Variants in AOPEP observed in about 807,000 individuals in gnomAD.
AOPEP encodes the protein aminopeptidase O.
AOPEP carries 77 observed loss-of-function variants against 98.1 expected under a neutral mutation model. That is an observed-to-expected ratio of 0.78 (90% CI 0.65 to 0.95). AOPEP has a LOEUF of 0.95. AOPEP is among the 40% of genes least tolerant of loss of function. AOPEP has a pLI of 0.00. For missense variants in AOPEP, 1,024 were observed against 1,024.7 expected, an observed-to-expected ratio of 1.00 and a Z score of 0.01; for synonymous variants, 346 against 365.3, an observed-to-expected ratio of 0.95 and a Z score of 0.60.
At chr9:94,810,323 T>G (rs907119234) in intron 5 of AOPEP, among the ~76,000 whole-genome samples, 10 of 151,668 alleles carry the variant, frequency 6.6e-5, no homozygotes, top group Admixed American at 3.9e-4. Context: ...TTTTTTGTTT[T>G]TTTTTTTTTG....
At chr9:95,145,801 C>T in the AOPEP span, among the ~76,000 whole-genome samples, 2 of 152,110 alleles carry the variant, frequency 1.3e-5, no homozygotes, top group Non-Finnish European at 2.9e-5. Context: ...GAGGCACGCA[C>T]CCTTTATCAC....
At chr9:94,992,146 G>A (rs771300749) in intron 11 of AOPEP, among the ~76,000 whole-genome samples, 5 of 152,204 alleles carry the variant, frequency 3.3e-5, no homozygotes, top group Admixed American at 2.6e-4. Flanking sequence ...CACAAAGGTG[G>A]TGGCCAGCCA....
chr9:95,117,475 C>CA, the AOPEP span: 2 of 1,039,762 alleles, frequency 1.9e-6, no homozygotes, highest in Non-Finnish European at 2.9e-6. Flanking sequence ...GTCCTCTGCC[C>CA]AAAAAAGACC....
intron 5 of AOPEP, among the ~76,000 whole-genome samples, chr9:94,819,282 T>C (rs1314965789): frequency 6.6e-6 from 1 of 152,210 alleles, no homozygotes; most frequent in Non-Finnish European, 1.5e-5. Context: ...AAGGACTGCG[T>C]GATGGAAACT....
At chr9:94,995,728 G>A (rs1240221740) in intron 11 of AOPEP, among the ~76,000 whole-genome samples, 1 of 152,138 alleles carries the variant, frequency 6.6e-6, no homozygotes, top group African/African-American at 2.4e-5. Flanking sequence ...CTAGAAGATA[G>A]ATTTAATAAG....
intron 5 of AOPEP, among the ~76,000 whole-genome samples, chr9:94,880,252 A>G (rs1446534528): frequency 6.6e-6 from 1 of 152,176 alleles, no homozygotes; most frequent in Non-Finnish European, 1.5e-5. Flanking sequence ...AGCTGAAAGG[A>G]GTTCATCTAA....
chr9:94,798,852 T>G (rs990910530), intron 4 of AOPEP, among the ~76,000 whole-genome samples: 1 of 152,198 alleles, frequency 6.6e-6, no homozygotes, highest in Non-Finnish European at 1.5e-5. Flanking sequence ...GTACTTGTCA[T>G]TAGGTGGGCA....
chr9:94,844,835 C>T (rs943280527), intron 5 of AOPEP, among the ~76,000 whole-genome samples: 2 of 152,016 alleles, frequency 1.3e-5, no homozygotes, highest in African/African-American at 4.8e-5. Flanking sequence ...GTGGGCTGTC[C>T]GTGGGAGTGG....
chr9:95,067,040 T>C (rs920442410), intron 14 of AOPEP, among the ~76,000 whole-genome samples: 1 of 152,146 alleles, frequency 6.6e-6, no homozygotes, highest in Non-Finnish European at 1.5e-5. Flanking sequence ...TTAAATGCCC[T>C]GAAATACAGG....
chr9:94,766,345 T>C (rs1839603976), intron 2 of AOPEP, among the ~76,000 whole-genome samples: 1 of 152,180 alleles, frequency 6.6e-6, no homozygotes, highest in Non-Finnish European at 1.5e-5. Context: ...GAGACCATCC[T>C]GGCTGATGAG....
At chr9:95,060,835 T>C in intron 14 of AOPEP, 25 bp downstream of exon 14, 4 of 1,419,940 alleles carry the variant, frequency 2.8e-6, no homozygotes, top group Non-Finnish European at 4.0e-6. Flanking sequence ...TCTCGGAGTT[T>C]AACCAGCAGG....
At chr9:95,116,005 A>G in the AOPEP span, among the ~76,000 whole-genome samples, 3 of 152,264 alleles carry the variant, frequency 2.0e-5, no homozygotes, top group Non-Finnish European at 4.4e-5. Context: ...TAATATACAG[A>G]CAGCTCTTCT....
chr9:94,951,920 C>T (rs1250299961), intron 7 of AOPEP, among the ~76,000 whole-genome samples: 1 of 152,198 alleles, frequency 6.6e-6, no homozygotes, highest in African/African-American at 2.4e-5. Flanking sequence ...GAACCCCACC[C>T]AGCATGGAAT....
chr9:94,837,879 C>T (rs2041813622), intron 5 of AOPEP, among the ~76,000 whole-genome samples: 1 of 152,208 alleles, frequency 6.6e-6, no homozygotes, highest in African/African-American at 2.4e-5. Context: ...CTCACCACTT[C>T]TATTCAGCAT....
chr9:95,060,046 T>C (rs770639663), intron 13 of AOPEP, among the ~76,000 whole-genome samples: 54 of 152,350 alleles, frequency 3.5e-4, no homozygotes, highest in Non-Finnish European at 6.3e-4. Flanking sequence ...CCTTAACTTG[T>C]AACACCACTT....
the AOPEP span, among the ~76,000 whole-genome samples, chr9:95,096,548 A>C: frequency 4.6e-5 from 7 of 152,180 alleles, no homozygotes; most frequent in East Asian, 1.4e-3. Flanking sequence ...CCGGTGATCC[A>C]GGGGCAGGTG....
intron 5 of AOPEP, among the ~76,000 whole-genome samples, chr9:94,888,937 A>G (rs1239476145): frequency 1.3e-5 from 2 of 152,158 alleles, no homozygotes; most frequent in South Asian, 2.1e-4. Flanking sequence ...CCACCACCAC[A>G]TGACTGTGGT....
At chr9:94,756,539 G>T (rs766602013) in intron 1 of AOPEP, among the ~76,000 whole-genome samples, 4 of 152,166 alleles carry the variant, frequency 2.6e-5, no homozygotes, top group African/African-American at 9.7e-5. Context: ...TCATTGAAGG[G>T]GAGAAAATGT....
intron 5 of AOPEP, among the ~76,000 whole-genome samples, chr9:94,902,286 A>G (rs10739991): frequency 2.0e-5 from 3 of 152,088 alleles, no homozygotes; most frequent in Non-Finnish European, 4.4e-5. Flanking sequence ...GAAACTAATA[A>G]AGCTGGCTGG....
Sources: allele counts gnomAD v4.1 joint callset (sites outside exome capture counted in the v4.1 genomes callset), GRCh38; gene constraint gnomAD v4.1.1; transcripts MANE v1.5; gene names NCBI Gene and HGNC (gene_info 2026-07-23, HGNC 2026-07-21).